AFDN: variants seen among roughly 807,000 people sequenced by gnomAD.
AFDN encodes afadin.
AFDN carries 68 observed loss-of-function variants against 216.6 expected under a neutral mutation model. The observed-to-expected ratio is 0.31, with a 90% CI of 0.26 to 0.38. The LOEUF is 0.38. Ranked by LOEUF, AFDN falls within the 10% of genes least tolerant of loss-of-function variation. AFDN has a pLI of 1.00. For missense variants in AFDN, 2,136 were observed against 2,342.0 expected, an observed-to-expected ratio of 0.91 and a Z score of 1.82; for synonymous variants, 868 against 853.7, an observed-to-expected ratio of 1.02 and a Z score of -0.29.
chr6:167,884,923 A>G (rs1786593303), intron 6 of AFDN, among the ~76,000 whole-genome samples: 1 of 152,156 alleles, frequency 6.6e-6, no homozygotes, highest in South Asian at 2.1e-4. Flanking sequence ...TCTTCATTGA[A>G]AATCTGTTAT....
intron 31 of AFDN, chr6:167,963,414 G>T (rs948607321): frequency 9.5e-7 from 1 of 1,054,368 alleles, no homozygotes; most frequent in Non-Finnish European, 1.1e-6. Flanking sequence ...TTCTGATGGC[G>T]GAAAATTTAG....
chr6:167,960,483 C>T (rs528257292), intron 30 of AFDN, among the ~76,000 whole-genome samples: 3 of 152,202 alleles, frequency 2.0e-5, no homozygotes, highest in South Asian at 4.1e-4. Flanking sequence ...TCTTGCTCAG[C>T]GCTTATTTTT....
Position 167,951,073 on chromosome 6 carries a change from C to G in AFDN, c.3832-113C>G. 7.1e-7 allele frequency: 1 copy of G among 1,407,190 alleles called. No homozygotes were observed. The highest frequency in any genetic ancestry group is 2.9e-5 in the Admixed American group (1 of 34,286). 87.2% of individuals were successfully genotyped at this position (1,407,190 alleles called of 1,614,324 possible). A position where few individuals can be genotyped will look rare whatever the true frequency, so the allele number is the denominator to read the frequency against. On this transcript the variant is annotated intron_variant, in intron 29 of 33. Transcript: ENST00000683244. This position sits in a 1 kb window ranked among gnomAD's most constrained non-coding sequence, Gnocchi z 7.1. ...GAGCCTTGTAGGGCAGTCTCAGTCT[C>G]TTTCTGTACACTGATTTAACAGTTT... is the stretch of plus-strand genomic sequence containing the variant.
intron 29 of AFDN, among the ~76,000 whole-genome samples, chr6:167,950,653 C>T (rs1795867538): frequency 6.6e-6 from 1 of 152,100 alleles, no homozygotes; most frequent in Admixed American, 6.5e-5. Flanking sequence ...TTAATAATCA[C>T]TCGTCATAGT....
At chr6:167,909,649 C>G (rs1462759301) in intron 13 of AFDN, among the ~76,000 whole-genome samples, 3 of 152,068 alleles carry the variant, frequency 2.0e-5, no homozygotes, top group African/African-American at 7.2e-5. Flanking sequence ...ATTCCAATAT[C>G]AAGATAACTG....
intron 31 of AFDN, chr6:167,964,727 T>C (rs931635100): frequency 3.8e-6 from 4 of 1,064,452 alleles, no homozygotes; most frequent in African/African-American, 3.3e-5. Flanking sequence ...AACTTTTCAC[T>C]GAATGCCAGC....
rs1473012248 is a variant in AFDN at position 167,970,359 on chromosome 6, AAT to A, written c.*426_*427del. ...ACTTTATTTTAGCTGTCAAGCAGAG[AAT>A]AGCTTGAACTATTCAGACTATTGTT... On this transcript the variant is annotated 3_prime_UTR_variant, in exon 34 of 34. Coordinates refer to ENST00000683244, the MANE Select transcript of AFDN (RefSeq NM_001386888.1). 1 of 254,240 alleles carries A rather than the reference AAT, an allele frequency of 3.9e-6. No homozygotes were observed. Among genetic ancestry groups the A allele is most frequent in the Non-Finnish European group, 7.5e-6 (1 of 134,166 alleles). The allele number at this position is 254,240 out of a possible 1,614,324, so 15.7% of individuals were successfully genotyped here.
At chr6:167,963,734 C>A in intron 31 of AFDN, 5 of 1,061,628 alleles carry the variant, frequency 4.7e-6, no homozygotes, top group Non-Finnish European at 5.7e-6. Flanking sequence ...AGAGTTTGAG[C>A]TTTCAGGATT....
intron 1 of AFDN, among the ~76,000 whole-genome samples, chr6:167,849,573 C>G (rs1297982948): frequency 6.6e-6 from 1 of 152,122 alleles, no homozygotes; most frequent in African/African-American, 2.4e-5. Context: ...GTATCCCTGT[C>G]TTTGAGTTCA....
intron 1 of AFDN, among the ~76,000 whole-genome samples, chr6:167,839,702 A>C (rs544040936): frequency 1.3e-5 from 2 of 152,076 alleles, no homozygotes; most frequent in African/African-American, 2.4e-5. Flanking sequence ...GTGGTCATCC[A>C]CTATATGTAA....
chr6:167,868,979 T>G (rs1308423279), intron 2 of AFDN, among the ~76,000 whole-genome samples: 18 of 151,924 alleles, frequency 1.2e-4, no homozygotes, highest in African/African-American at 4.4e-4. Flanking sequence ...TCTTGCCATG[T>G]TGCCCAGGCT....
In AFDN at chr6:167,826,994, G is replaced by A. The variant is rs1779147534; in HGVS notation, c.-139G>A. 5.4e-6 allele frequency: 1 copy of A among 184,050 alleles called. No individual in the cohort carries two copies. Among genetic ancestry groups the A allele is most frequent in the South Asian group, 1.6e-4 (1 of 6,124 alleles). 11.4% of individuals were successfully genotyped at this position (184,050 alleles called of 1,614,324 possible). On this transcript the variant is annotated 5_prime_UTR_variant, in exon 1 of 34. Transcript: ENST00000683244. ...AGGCCAAGTCGGAGGACGCGGCGCG[G>A]CCGCGGAGGCGGAGGCAGCCGCGGA...
chr6:167,931,020 C>G (rs984496536), intron 23 of AFDN, among the ~76,000 whole-genome samples: 3 of 78,618 alleles, frequency 3.8e-5, no homozygotes, highest in Admixed American at 1.4e-4. Flanking sequence ...GTGGAGATGA[C>G]GAGATGGTTT....
At chr6:167,888,308 A>G (rs993197970) in intron 6 of AFDN, among the ~76,000 whole-genome samples, 2 of 152,248 alleles carry the variant, frequency 1.3e-5, no homozygotes, top group African/African-American at 4.8e-5. Flanking sequence ...AGTCTAACCC[A>G]TTTGGTATGT....
intron 1 of AFDN, among the ~76,000 whole-genome samples, chr6:167,845,882 C>G (rs778880956): frequency 1.3e-5 from 2 of 152,070 alleles, no homozygotes; most frequent in Non-Finnish European, 2.9e-5. Context: ...GCTGGGGAGA[C>G]CTCAGGAAAC....
intron 1 of AFDN, among the ~76,000 whole-genome samples, chr6:167,861,073 C>T (rs1052142347): frequency 3.3e-5 from 5 of 152,022 alleles, no homozygotes; most frequent in African/African-American, 9.7e-5. Flanking sequence ...CTTTGGACCT[C>T]CCCTCCTCTC....
intron 1 of AFDN, among the ~76,000 whole-genome samples, chr6:167,849,726 T>C (rs1782090589): frequency 1.3e-5 from 2 of 152,238 alleles, no homozygotes; most frequent in Non-Finnish European, 2.9e-5. Flanking sequence ...AGTATTATTC[T>C]AGTGAACAGA....
chr6:167,827,305 C>G (rs1185181398), intron 1 of AFDN, 68 bp downstream of exon 1: 1 of 593,926 alleles, frequency 1.7e-6, no homozygotes, highest in African/African-American at 2.1e-5. Flanking sequence ...CCCTCCCCCC[C>G]GCCGCCGCCC....
intron 8 of AFDN, among the ~76,000 whole-genome samples, chr6:167,891,837 G>A (rs1787655765): frequency 6.6e-6 from 1 of 151,690 alleles, no homozygotes; most frequent in South Asian, 2.1e-4. Flanking sequence ...GTGAAGATCA[G>A]AGTGGTGCAC....
Sources: gnomAD v4.1 joint callset for allele counts (sites outside exome capture counted in the v4.1 genomes callset) on GRCh38, gnomAD v4.1.1 for gene constraint, Gnocchi (gnomAD v3.1) non-coding constraint, MANE v1.5 for transcripts, NCBI Gene and HGNC (gene_info 2026-07-23, HGNC 2026-07-21) for gene names.